The following MAD1L1 variants were observed in gnomAD, a reference collection of about 807,000 sequenced individuals.
MAD1L1 encodes mitotic spindle assembly checkpoint protein MAD1.
In MAD1L1, 95 loss-of-function variants were observed where a neutral mutation model predicts 96.9. The observed-to-expected ratio is 0.98, with a 90% CI of 0.83 to 1.16. MAD1L1 has a LOEUF of 1.16. Among genes scored for constraint, MAD1L1 ranks in the 50% most tolerant of loss-of-function variants. The pLI is 0.00. For synonymous variants in MAD1L1, 473 were observed against 396.6 expected, an observed-to-expected ratio of 1.19 and a Z score of -2.29; for missense variants, 1,007 against 954.4, an observed-to-expected ratio of 1.06 and a Z score of -0.73.
intron 14 of MAD1L1, among the ~76,000 whole-genome samples, chr7:2,001,204 G>A (rs1006545366): frequency 6.6e-6 from 1 of 152,234 alleles, no homozygotes; most frequent in Non-Finnish European, 1.5e-5. Flanking sequence ...GCAGGCCCTG[G>A]GGTCCGTACA....
At chr7:2,065,369 G>A (rs530797172) in intron 12 of MAD1L1, among the ~76,000 whole-genome samples, 36 of 152,266 alleles carry the variant, frequency 2.4e-4, no homozygotes, top group East Asian at 1.7e-3. Context: ...AAGCTCATCC[G>A]CTCCCAATCC....
chr7:1,876,247 G>T (rs1204156441), intron 18 of MAD1L1, among the ~76,000 whole-genome samples: 2 of 152,092 alleles, frequency 1.3e-5, no homozygotes, highest in African/African-American at 4.8e-5. Flanking sequence ...ACAACCATTG[G>T]TCATGTTAAA....
chr7:1,904,382 T>C lies in MAD1L1; in HGVS notation c.1808-5992A>G, dbSNP rs539248045. On this transcript the variant is annotated intron_variant, in intron 17 of 18. Transcript: ENST00000265854. The stretch of plus-strand genomic sequence containing the variant: ...GCCTATGGAAGACGCTCTTGCAGAA[T>C]TCATGATTGATGAAGCACTGTTCCA... Among the ~76,000 whole-genome samples, 278 of 114,238 alleles carry C rather than the reference T, an allele frequency of 2.4e-3. 5 individuals carry two copies. Among genetic ancestry groups the C allele is most frequent in the African/African-American group, 3.7e-3 (91 of 24,822 alleles). 74.9% of individuals were successfully genotyped at this position (114,238 alleles called of 152,430 possible).
At chr7:2,099,156 G>T (rs1786648948) in intron 11 of MAD1L1, among the ~76,000 whole-genome samples, 1 of 152,166 alleles carries the variant, frequency 6.6e-6, no homozygotes, top group Non-Finnish European at 1.5e-5. Context: ...CATGGTCCAG[G>T]AAGGAGCATC....
In MAD1L1 at chr7:1,853,232, G is replaced by T. The variant is rs541947485; in HGVS notation, c.1999-37004C>A. Among the ~76,000 whole-genome samples the T allele has an allele frequency of 2.6e-5, 4 of 152,344 alleles. No individual in the cohort carries two copies. The East Asian group carries it at 5.8e-4, about 22-fold the overall frequency. On this transcript the variant is annotated intron_variant, in intron 18 of 18. Transcript: ENST00000265854. Reference sequence around the variant, plus strand: ...TCTAACAGCAGCGGCACTGCTGACTGTGGGAACTTGCCACCTCACGGGACT... The same window carrying T: ...TCTAACAGCAGCGGCACTGCTGACTTTGGGAACTTGCCACCTCACGGGACT...
chr7:2,195,455 A>T (rs1215451105), intron 10 of MAD1L1, among the ~76,000 whole-genome samples: 1 of 152,260 alleles, frequency 6.6e-6, no homozygotes, highest in Non-Finnish European at 1.5e-5. Flanking sequence ...GGGAATACCA[A>T]GAATTGTGTG....
chr7:2,214,884 G>A (rs1262672956), intron 9 of MAD1L1, among the ~76,000 whole-genome samples: 1 of 152,112 alleles, frequency 6.6e-6, no homozygotes, highest in East Asian at 1.9e-4. Context: ...CTCACCCTCT[G>A]TACCAGTTTC....
chr7:1,987,196 T>C (rs1781191458), intron 14 of MAD1L1, among the ~76,000 whole-genome samples: 1 of 152,226 alleles, frequency 6.6e-6, no homozygotes, highest in African/African-American at 2.4e-5. Flanking sequence ...CCGCACCCTC[T>C]ACTCCACCAC....
intron 12 of MAD1L1, among the ~76,000 whole-genome samples, chr7:2,037,155 C>G (rs914250034): frequency 6.6e-6 from 1 of 152,120 alleles, no homozygotes; most frequent in South Asian, 2.1e-4. Context: ...GTTCCAGTGC[C>G]TTCTGCCACG....
intron 12 of MAD1L1, among the ~76,000 whole-genome samples, chr7:2,047,795 TCA>T (rs1297441073): frequency 6.6e-6 from 1 of 151,504 alleles, no homozygotes; most frequent in Non-Finnish European, 1.5e-5. Flanking sequence ...ACATGCACAC[TCA>T]CACACGTGCA....
At chr7:2,210,467 C>CA (rs1792868524) in intron 10 of MAD1L1, among the ~76,000 whole-genome samples, 1 of 132,784 alleles carries the variant, frequency 7.5e-6, no homozygotes, top group Non-Finnish European at 1.7e-5. Context: ...GAGCCGTATT[C>CA]GGGACCGCCA....
At chr7:2,047,630 T>A (rs991753506) in intron 12 of MAD1L1, among the ~76,000 whole-genome samples, 2 of 152,188 alleles carry the variant, frequency 1.3e-5, no homozygotes, top group African/African-American at 2.4e-5. Flanking sequence ...CCAAAATGCA[T>A]AAAAGAACCA....
At chr7:2,154,935 A>T (rs1789750414) in intron 10 of MAD1L1, among the ~76,000 whole-genome samples, 1 of 152,180 alleles carries the variant, frequency 6.6e-6, no homozygotes, top group African/African-American at 2.4e-5. Flanking sequence ...GGAGGCCACC[A>T]TCTGGAGTAA....
chr7:1,898,351 T>G lies in MAD1L1; in HGVS notation c.1847A>C (p.Gln616Pro). The part of the protein sequence containing the change: ...KQVESAELKN[Q>P]RLKEVFQTKI... Reference sequence around the variant, plus strand: ...GGTCTGGAAAACCTCCTTGAGCCGCTGGTTCTTCAGCTCGGCACTCTCCAC... The same window carrying G: ...GGTCTGGAAAACCTCCTTGAGCCGCGGGTTCTTCAGCTCGGCACTCTCCAC... Residue 616 changes from glutamine (Q) to proline (P), a missense_variant, in exon 18 of 19, where the codon CAG (glutamine) becomes CCG (proline). Physicochemically the swap from Gln to Pro is moderately conservative, Grantham distance 76. Coordinates refer to ENST00000265854, the MANE Select transcript of MAD1L1 (RefSeq NM_001013836.2). The G allele has an allele frequency of 1.9e-6, 3 of 1,613,998 alleles. No homozygotes were observed. The highest frequency in any genetic ancestry group is 2.5e-6 in the Non-Finnish European group (3 of 1,179,998).
At chr7:1,851,424 G>A (rs554600501) in intron 18 of MAD1L1, among the ~76,000 whole-genome samples, 30 of 152,296 alleles carry the variant, frequency 2.0e-4, no homozygotes, top group Non-Finnish European at 4.0e-4. Flanking sequence ...CTCAGACCTC[G>A]AACGTGCCAT....
rs1002410968 is a variant in MAD1L1 at position 2,146,398 on chromosome 7, C to T, written c.1073+2754G>A. Among the ~76,000 whole-genome samples the T allele has an allele frequency of 1.3e-5, 2 of 152,132 alleles. No individual in the cohort carries two copies. The highest frequency in any genetic ancestry group is 2.4e-5 in the African/African-American group (1 of 41,424). ...GGGCAACGCCTCGAAGAGGGAGCAC[C>T]GGGCACTGGGCTACGAGGAACAGGG... On this transcript the variant is annotated intron_variant, in intron 11 of 18. Coordinates refer to ENST00000265854, the MANE Select transcript of MAD1L1 (RefSeq NM_001013836.2). The surrounding 1 kb of genome is among the most constrained non-coding windows in gnomAD (Gnocchi z 6.2).
At chr7:1,881,889 G>C (rs1447917989) in intron 18 of MAD1L1, among the ~76,000 whole-genome samples, 2 of 152,234 alleles carry the variant, frequency 1.3e-5, no homozygotes, top group Non-Finnish European at 2.9e-5. Context: ...TCTCTATGCG[G>C]ATATGAGGAA....
At chr7:1,842,755 G>C (rs1486666998) in intron 18 of MAD1L1, among the ~76,000 whole-genome samples, 11 of 152,364 alleles carry the variant, frequency 7.2e-5, no homozygotes, top group Non-Finnish European at 1.6e-4. Context: ...CCGAGGCCCA[G>C]GGCACGGTCA....
chr7:2,027,233 A>G (rs1262566540), intron 12 of MAD1L1, among the ~76,000 whole-genome samples: 1 of 152,218 alleles, frequency 6.6e-6, no homozygotes, highest in Admixed American at 6.5e-5. Context: ...CTTGTAAACA[A>G]GAAACCCCTA....
Sources: gnomAD v4.1 joint callset for allele counts (sites outside exome capture counted in the v4.1 genomes callset) on GRCh38, gnomAD v4.1.1 for gene constraint, Gnocchi (gnomAD v3.1) non-coding constraint, MANE v1.5 for transcripts, NCBI Gene and HGNC (gene_info 2026-07-23, HGNC 2026-07-21) for gene names.